The following PARP16 variants were observed in gnomAD, a reference collection of about 807,000 sequenced individuals.
The protein encoded by PARP16 is poly(ADP-ribose) polymerase family member 16.
In PARP16, 31 loss-of-function variants were observed where a neutral mutation model predicts 35.0. The ratio of observed to expected loss-of-function variants is 0.88; its 90% CI spans 0.66 to 1.19. The LOEUF is 1.19. Ranked by LOEUF, PARP16 falls within the 50% of genes most tolerant of loss-of-function variation. PARP16 has a pLI of 0.00. For missense variants in PARP16, 424 were observed against 411.2 expected, an observed-to-expected ratio of 1.03 and a Z score of -0.27; for synonymous variants, 162 against 169.5, an observed-to-expected ratio of 0.96 and a Z score of 0.34.
At chr15:65,262,248 T>G (rs899344597) in intron 4 of PARP16, among the ~76,000 whole-genome samples, 18 of 151,774 alleles carry the variant, frequency 1.2e-4, no homozygotes, top group African/African-American at 4.4e-4. Context: ...TTCTCATGAC[T>G]CAGTCTCCCA....
At chr15:65,286,129 G>A in intron 1 of PARP16, 124 bp downstream of exon 1, 3 of 785,838 alleles carry the variant, frequency 3.8e-6, no homozygotes, top group Non-Finnish European at 5.7e-6. Flanking sequence ...GCAAGACCAA[G>A]CTGGGAATGG....
At chr15:65,284,043 G>T (rs918303253) in intron 1 of PARP16, among the ~76,000 whole-genome samples, 2 of 152,168 alleles carry the variant, frequency 1.3e-5, no homozygotes, top group African/African-American at 4.8e-5. Context: ...AAGAGGCTCA[G>T]CCTTTGTCCC....
chr15:65,248,937 G>A (rs1321900392), intron 2 of PARP16, among the ~76,000 whole-genome samples: 1 of 152,150 alleles, frequency 6.6e-6, no homozygotes, highest in Admixed American at 6.5e-5. Flanking sequence ...GACGCTGGAT[G>A]GTGGCAGAGC....
intron 1 of PARP16, among the ~76,000 whole-genome samples, chr15:65,285,271 G>A (rs2090554264): frequency 6.6e-6 from 1 of 151,950 alleles, no homozygotes; most frequent in African/African-American, 2.4e-5. Flanking sequence ...CAGAGTAGCT[G>A]GGATTACAGG....
chr15:65,244,614 G>A (rs2089161230), intron 3 of PARP16, among the ~76,000 whole-genome samples: 1 of 152,224 alleles, frequency 6.6e-6, no homozygotes, highest in Non-Finnish European at 1.5e-5. Context: ...TACAATTCAA[G>A]ATGAGATTTA....
intron 1 of PARP16, among the ~76,000 whole-genome samples, chr15:65,271,856 G>T (rs1187109199): frequency 6.6e-6 from 1 of 152,222 alleles, no homozygotes; most frequent in Admixed American, 6.5e-5. Context: ...AAGGTAGTAT[G>T]ACAACTACAT....
chr15:65,257,801 C>T (rs1412605701), downstream of PARP16, among the ~76,000 whole-genome samples: 8 of 152,146 alleles, frequency 5.3e-5, no homozygotes, highest in Non-Finnish European at 8.8e-5. Flanking sequence ...AACTCCCAAC[C>T]TCACTCTTGA....
intron 1 of PARP16, among the ~76,000 whole-genome samples, chr15:65,279,288 G>A (rs926085434): frequency 1.5e-4 from 23 of 152,190 alleles, no homozygotes; most frequent in African/African-American, 5.1e-4. Context: ...CACACAAACA[G>A]TAAGTGCTAT....
intron 2 of PARP16, among the ~76,000 whole-genome samples, chr15:65,252,306 C>G (rs1043384418): frequency 6.6e-6 from 1 of 152,198 alleles, no homozygotes; most frequent in Non-Finnish European, 1.5e-5. Context: ...CAAAGGAAAT[C>G]GATGGCCAAA....
intron 3 of PARP16, among the ~76,000 whole-genome samples, chr15:65,235,031 G>A (rs556638719): frequency 6.6e-6 from 1 of 152,172 alleles, no homozygotes; most frequent in Admixed American, 6.6e-5. Context: ...AGCATTAAGA[G>A]ATATACTTCA....
At position 65,286,516 on chromosome 15, in the gene PARP16, T is replaced by C. The variant is rs544136455; in HGVS notation, c.-90A>G. ...GCGCGGGGGCTGGGCCCGCGGACAA[T>C]GGGCCGTCAGGGGCCGGGTTCCCAA... On this transcript the variant is annotated 5_prime_UTR_variant, in exon 1 of 6. Coordinates refer to ENST00000649807, the MANE Select transcript of PARP16 (RefSeq NM_001316943.2). The C allele has an allele frequency of 2.2e-5, 23 of 1,054,704 alleles. No homozygotes were observed. The highest frequency in any genetic ancestry group is 1.9e-4 in the African/African-American group (11 of 58,992). The allele number at this position is 1,054,704 out of a possible 1,614,324, so 65.3% of individuals were successfully genotyped here.
chr15:65,275,818 C>T (rs1159668286), intron 1 of PARP16, among the ~76,000 whole-genome samples: 1 of 152,168 alleles, frequency 6.6e-6, no homozygotes, highest in Non-Finnish European at 1.5e-5. Context: ...CATCCCCCTT[C>T]CTTCTTTTCT....
intron 1 of PARP16, among the ~76,000 whole-genome samples, chr15:65,276,340 T>G (rs931515355): frequency 6.6e-6 from 1 of 152,108 alleles, no homozygotes; most frequent in Non-Finnish European, 1.5e-5. Flanking sequence ...AAATTTGAAT[T>G]TCAGATAAAC....
At chr15:65,261,946 T>C (rs1302424671) in intron 4 of PARP16, among the ~76,000 whole-genome samples, 1 of 152,198 alleles carries the variant, frequency 6.6e-6, no homozygotes, top group Non-Finnish European at 1.5e-5. Flanking sequence ...AGGTTTTGTT[T>C]TGATGTTTAA....
intron 1 of PARP16, among the ~76,000 whole-genome samples, chr15:65,282,821 G>A (rs888102342): frequency 6.6e-6 from 1 of 152,260 alleles, no homozygotes. Context: ...TACAAGTGGG[G>A]CAAGGGAGAA....
chr15:65,243,426 T>C (rs970866963), intron 3 of PARP16, among the ~76,000 whole-genome samples: 1 of 152,094 alleles, frequency 6.6e-6, no homozygotes, highest in Non-Finnish European at 1.5e-5. Context: ...AATTTTTGTC[T>C]TTTTTGTAGG....
intron 1 of PARP16, among the ~76,000 whole-genome samples, chr15:65,275,356 G>A (rs1191838782): frequency 6.6e-6 from 1 of 152,108 alleles, no homozygotes; most frequent in Non-Finnish European, 1.5e-5. Flanking sequence ...CCAGGCATCT[G>A]GGGCTCTATT....
At position 65,286,625 on chromosome 15, in the gene PARP16, G is replaced by A. The variant is rs1460978754; in HGVS notation, c.-199C>T. The A allele has an allele frequency of 2.3e-6, 1 of 443,666 alleles. No homozygotes were observed. Among genetic ancestry groups the A allele is most frequent in the Non-Finnish European group, 4.0e-6 (1 of 252,094 alleles). 27.5% of individuals were successfully genotyped at this position (443,666 alleles called of 1,614,324 possible). On this transcript the variant is annotated 5_prime_UTR_variant, in exon 1 of 6. Transcript: ENST00000649807. ...TGTCCTCTGCCGGGGTCTGGGCCGCGGCTCGCCGCCGAAGAGAGAGACCGA... is the reference window on the plus strand; with the variant it reads ...TGTCCTCTGCCGGGGTCTGGGCCGCAGCTCGCCGCCGAAGAGAGAGACCGA...
chr15:65,254,737 T>C (rs921582804), downstream of PARP16, among the ~76,000 whole-genome samples: 2 of 152,150 alleles, frequency 1.3e-5, no homozygotes, highest in South Asian at 4.1e-4. Context: ...TCAGATGCGA[T>C]GGGGCCATGT....
Sources: allele counts gnomAD v4.1 joint callset (sites outside exome capture counted in the v4.1 genomes callset), GRCh38; gene constraint gnomAD v4.1.1; transcripts MANE v1.5; gene names NCBI Gene and HGNC (gene_info 2026-07-23, HGNC 2026-07-21).